Variants in ARL5B observed in about 807,000 individuals in gnomAD.
The protein encoded by ARL5B is ARF like GTPase 5B.
A neutral mutation model predicts 26.9 loss-of-function variants in ARL5B; 10 were observed. The observed-to-expected ratio is 0.37, with a 90% CI of 0.23 to 0.63. The LOEUF is 0.63. Among genes scored for constraint, ARL5B ranks in the 30% least tolerant of loss-of-function variants. The probability of loss-of-function intolerance (pLI) is 0.62; values close to 1 mark genes in which losing one functional copy is unlikely to be tolerated. For synonymous variants in ARL5B, 87 were observed against 70.4 expected (o/e 1.24, Z -1.18); for missense variants, 167 against 213.9 (o/e 0.78, Z 1.37).
rs1329151653 is a variant in ARL5B, at chr10:18,676,427, A to G, written c.*1211A>G. 1 of 152,056 alleles carries G rather than the reference A, an allele frequency of 6.6e-6. No homozygotes were observed. The highest frequency in any genetic ancestry group is 1.9e-4 in the East Asian group (1 of 5,194). The allele number at this position is 152,056 out of a possible 1,614,324, so 9.4% of individuals were successfully genotyped here. ...TATTCTTAACAACTTAAAATTAAAA[A>G]AAGTCATAATCTATCAAAAGTTTAT... On this transcript the variant is annotated 3_prime_UTR_variant, in exon 6 of 6. Transcript: ENST00000377275.
At chr10:18,673,276 G>C (rs536752399) in intron 4 of ARL5B, among the ~76,000 whole-genome samples, 150 of 152,026 alleles carry the variant, frequency 9.9e-4, no homozygotes, top group Non-Finnish European at 2.0e-3. Context: ...TCGCCAGCCT[G>C]GCCTTGAATT....
In ARL5B at chr10:18,659,623, G is replaced by T. The variant is rs543052596; in HGVS notation, c.-15G>T. 1 of 1,607,592 alleles carries T rather than the reference G, an allele frequency of 6.2e-7. No individual in the cohort carries two copies. The highest frequency in any genetic ancestry group is 1.1e-5 in the South Asian group (1 of 90,528). On this transcript the variant is annotated 5_prime_UTR_variant, in exon 1 of 6. Transcript: ENST00000377275. Reference sequence around the variant, plus strand: ...CTGCTGCCGAGGGACCCCGCGGCCCGCCCCGGTGCTCGTGATGGGGCTGAT... The same window carrying T: ...CTGCTGCCGAGGGACCCCGCGGCCCTCCCCGGTGCTCGTGATGGGGCTGAT...
intron 1 of ARL5B, among the ~76,000 whole-genome samples, chr10:18,661,050 T>C (rs2059833060): frequency 6.6e-6 from 1 of 152,136 alleles, no homozygotes; most frequent in Non-Finnish European, 1.5e-5. Context: ...GGTTTCGCCA[T>C]GTTGGGCAGG....
At chr10:18,672,284 T>A (rs1460302217) in intron 3 of ARL5B, among the ~76,000 whole-genome samples, 1 of 152,244 alleles carries the variant, frequency 6.6e-6, no homozygotes, top group South Asian at 2.1e-4. Flanking sequence ...AAAATATTAT[T>A]GAAATTAGTG....
chr10:18,666,693 A>G lies in ARL5B; in HGVS notation c.107+58A>G, dbSNP rs887256740. 8 of 1,374,760 alleles carry G rather than the reference A, an allele frequency of 5.8e-6. No individual in the cohort carries two copies. In the Admixed American group the frequency reaches 1.8e-4, roughly 31 times the overall value. 85.2% of individuals were successfully genotyped at this position (1,374,760 alleles called of 1,614,324 possible). On this transcript the variant is annotated intron_variant, in intron 2 of 5. Transcript: ENST00000377275. Reference sequence around the variant, plus strand: ...TAGTTATTGAAACTAATGTGTTTACAATTAATAAGAGATGCATTATAATAA... The same window carrying G: ...TAGTTATTGAAACTAATGTGTTTACGATTAATAAGAGATGCATTATAATAA...
At chr10:18,670,837 C>T (rs1487676574) in intron 3 of ARL5B, among the ~76,000 whole-genome samples, 2 of 152,076 alleles carry the variant, frequency 1.3e-5, no homozygotes, top group Non-Finnish European at 2.9e-5. Flanking sequence ...TAGCATGGGT[C>T]CAGAAAGAGA....
chr10:18,660,223 T>C (rs898457601), intron 1 of ARL5B, among the ~76,000 whole-genome samples: 3 of 151,456 alleles, frequency 2.0e-5, no homozygotes, highest in African/African-American at 7.3e-5. Context: ...ATTGTAAACT[T>C]TTTTTTTTAA....
rs78279905 is a variant in ARL5B at position 18,674,109 on chromosome 10, A to G, written c.465A>G (p.Gln155=). Residue 155 remains glutamine, a synonymous_variant, in exon 5 of 6, where the codon CAA becomes CAG. Coordinates refer to ENST00000377275, the MANE Select transcript of ARL5B (RefSeq NM_178815.5). ...SSIKDHPWHI[Q]SCCALTGEGL... is the part of the protein sequence containing the mutation. ...TTAAGGATCATCCATGGCACATTCA[A>G]TCCTGCTGTGCTCTCACAGGAGAAG... is the stretch of plus-strand genomic sequence containing the variant. 1.6e-3 allele frequency: 2,512 copies of G among 1,611,906 alleles called. 54 individuals are homozygous for G. The East Asian group carries it at 0.049, about 31-fold the overall frequency.
rs1181730397 is a variant in ARL5B at position 18,678,036 on chromosome 10, C to A, written c.*2820C>A. ...TTAATTTTGAGCGTGTCATGTCCTTCATCTTTAAACCCATCATTCTTATTG... is the reference window on the plus strand; with the variant it reads ...TTAATTTTGAGCGTGTCATGTCCTTAATCTTTAAACCCATCATTCTTATTG... On this transcript the variant is annotated 3_prime_UTR_variant, in exon 6 of 6. Coordinates refer to ENST00000377275, the MANE Select transcript of ARL5B (RefSeq NM_178815.5). 6.6e-6 allele frequency: 1 copy of A among 151,828 alleles called. No individual in the cohort carries two copies. The highest frequency in any genetic ancestry group is 1.5e-5 in the Non-Finnish European group (1 of 67,780). The allele number at this position is 151,828 out of a possible 1,614,324, so 9.4% of individuals were successfully genotyped here. A position where few individuals can be genotyped will look rare whatever the true frequency, so the allele number is the denominator to read the frequency against.
Position 18,675,325 on chromosome 10 carries a change from C to T in ARL5B, c.*109C>T, listed in dbSNP as rs2059905840. 1 of 1,056,236 alleles carries T rather than the reference C, an allele frequency of 9.5e-7. No homozygotes were observed. Among genetic ancestry groups the T allele is most frequent in the South Asian group, 1.4e-5 (1 of 71,820 alleles). 65.4% of individuals were successfully genotyped at this position (1,056,236 alleles called of 1,614,324 possible). The stretch of plus-strand genomic sequence containing the variant: ...ATGTTTAATTTATAACAACACAAAC[C>T]TCTGAGAGCAACACTTGAATCAAGT... On this transcript the variant is annotated 3_prime_UTR_variant, in exon 6 of 6. Transcript: ENST00000377275.
intron 1 of ARL5B, among the ~76,000 whole-genome samples, chr10:18,664,501 G>A (rs938165666): frequency 8.2e-5 from 10 of 121,932 alleles, no homozygotes; most frequent in Admixed American, 4.3e-4. Flanking sequence ...ACAGTGACCC[G>A]ATCTCGGCTC....
chr10:18,662,822 G>A (rs1184603288), intron 1 of ARL5B, among the ~76,000 whole-genome samples: 1 of 149,656 alleles, frequency 6.7e-6, no homozygotes, highest in Non-Finnish European at 1.5e-5. Flanking sequence ...TCCTGCCTCA[G>A]CCTCCTGAGT....
chr10:18,669,186 A>G (rs1382984399), intron 3 of ARL5B, among the ~76,000 whole-genome samples: 1 of 152,142 alleles, frequency 6.6e-6, no homozygotes, highest in African/African-American at 2.4e-5. Flanking sequence ...GAAAAGGCAA[A>G]TAGAAAGATT....
chr10:18,664,429 CTTTTTTTTTTTT>C lies in ARL5B; in HGVS notation c.47-2131_47-2120del, dbSNP rs140830487. On this transcript the variant is annotated intron_variant, in intron 1 of 5. Coordinates refer to ENST00000377275, the MANE Select transcript of ARL5B (RefSeq NM_178815.5). Reference sequence around the variant, plus strand: ...CTGTAACTGATAGTAACAGTAGTGTCTTTTTTTTTTTTTTTTTTTTTTTTTTGAGATGGAGTC... The same window carrying C: ...CTGTAACTGATAGTAACAGTAGTGTCTTTTTTTTTTTTTTGAGATGGAGTC... 1.2e-4 allele frequency among the ~76,000 whole-genome samples: 8 copies of C among 67,224 alleles called. No individual in the cohort carries two copies. In the East Asian group the frequency reaches 1.7e-3, roughly 14 times the overall value. The allele number at this position is 67,224 out of a possible 152,430, so 44.1% of individuals were successfully genotyped here. A position where few individuals can be genotyped will look rare whatever the true frequency, so the allele number is the denominator to read the frequency against.
At position 18,676,978 on chromosome 10, in the gene ARL5B, C is replaced by G. The variant is rs1159094658; in HGVS notation, c.*1762C>G. The G allele has an allele frequency of 6.6e-6, 1 of 152,210 alleles. No individual in the cohort carries two copies. The highest frequency in any genetic ancestry group is 6.6e-5 in the Admixed American group (1 of 15,216). 9.4% of individuals were successfully genotyped at this position (152,210 alleles called of 1,614,324 possible). Reference sequence around the variant, plus strand: ...GTTTAACTTAGTTTTTAATATAACCCATAATCAAGAACATGAGCGAAAAGC... The same window carrying G: ...GTTTAACTTAGTTTTTAATATAACCGATAATCAAGAACATGAGCGAAAAGC... On this transcript the variant is annotated 3_prime_UTR_variant, in exon 6 of 6. Transcript: ENST00000377275.
chr10:18,674,134 G>A lies in ARL5B; in HGVS notation c.490G>A (p.Gly164Arg). 1 of 1,607,086 alleles carries A rather than the reference G, an allele frequency of 6.2e-7. No individual in the cohort carries two copies. Residue 164 changes from glycine to arginine, a missense_variant and splice_region_variant, in exon 5 of 6, where the codon GGG (glycine) becomes AGG (arginine). Physicochemically the swap from Gly to Arg is moderately radical, Grantham distance 125. Transcript: ENST00000377275. ...ATCCTGCTGTGCTCTCACAGGAGAA[G>A]GGTAAGTTCATCCGTCTGAGGGGAG... Reference protein sequence around the residue: ...IQSCCALTGEGLCQGLEWMTS... With the variant: ...IQSCCALTGERLCQGLEWMTS...
chr10:18,671,323 C>T (rs956497408), intron 3 of ARL5B, among the ~76,000 whole-genome samples: 5 of 152,024 alleles, frequency 3.3e-5, no homozygotes, highest in African/African-American at 9.7e-5. Flanking sequence ...CAGTACACAC[C>T]ACCACACCTG....
intron 3 of ARL5B, among the ~76,000 whole-genome samples, chr10:18,669,296 C>T (rs998595246): frequency 6.6e-6 from 1 of 152,036 alleles, no homozygotes; most frequent in Non-Finnish European, 1.5e-5. Context: ...AGATCTGACA[C>T]GTGGAGATAT....
chr10:18,679,243 G>T lies in ARL5B; in HGVS notation c.*4027G>T, dbSNP rs2059922970. The stretch of plus-strand genomic sequence containing the variant: ...TAAGCTGCTTAGAAAGAACCAGCCT[G>T]TGTTGGAAATAATTCTCTTCTAGAT... On this transcript the variant is annotated 3_prime_UTR_variant, in exon 6 of 6. Coordinates refer to ENST00000377275, the MANE Select transcript of ARL5B (RefSeq NM_178815.5). The T allele has an allele frequency of 6.6e-6, 1 of 151,866 alleles. No individual in the cohort carries two copies. Among genetic ancestry groups the T allele is most frequent in the Non-Finnish European group, 1.5e-5 (1 of 67,826 alleles). 9.4% of individuals were successfully genotyped at this position (151,866 alleles called of 1,614,324 possible).
Sources: allele counts gnomAD v4.1 joint callset (sites outside exome capture counted in the v4.1 genomes callset), GRCh38; gene constraint gnomAD v4.1.1; transcripts MANE v1.5; gene names NCBI Gene and HGNC (gene_info 2026-07-23, HGNC 2026-07-21).